CA8: variants seen among roughly 807,000 people sequenced by gnomAD.
The protein encoded by CA8 is carbonic anhydrase 8 (inactive).
In CA8, 22 loss-of-function variants were observed where a neutral mutation model predicts 41.4. The ratio of observed to expected loss-of-function variants is 0.53; its 90% CI spans 0.38 to 0.76. CA8 has a LOEUF of 0.76. Ranked by LOEUF, CA8 falls within the 30% of genes least tolerant of loss-of-function variation. CA8 has a pLI of 0.00. For missense variants in CA8, 270 were observed against 352.8 expected, an observed-to-expected ratio of 0.77 and a Z score of 1.88; for synonymous variants, 121 against 130.6, an observed-to-expected ratio of 0.93 and a Z score of 0.50.
chr8:60,222,820 G>T, intron 6 of CA8, 59 bp from the exon 7 acceptor site: 2 of 1,016,982 alleles, frequency 2.0e-6, no homozygotes, highest in South Asian at 1.3e-5. Context: ...CAATCCTGAT[G>T]ACTCCAACAA....
At chr8:60,232,920 G>A (rs1031220756) in intron 3 of CA8, among the ~76,000 whole-genome samples, 1 of 152,110 alleles carries the variant, frequency 6.6e-6, no homozygotes, top group Non-Finnish European at 1.5e-5. Flanking sequence ...AATAAATGCT[G>A]ATGTAAATCT....
chr8:60,248,509 A>C (rs1808330415), intron 3 of CA8, among the ~76,000 whole-genome samples: 6 of 152,150 alleles, frequency 3.9e-5, no homozygotes, highest in Admixed American at 3.9e-4. Flanking sequence ...TAAACAGGGA[A>C]TCCTTTCCCC....
intron 3 of CA8, among the ~76,000 whole-genome samples, chr8:60,248,953 T>A (rs1808348611): frequency 6.6e-6 from 1 of 152,204 alleles, no homozygotes. Context: ...TGGTTTGTAG[T>A]TCTCCTTGAA....
intron 3 of CA8, among the ~76,000 whole-genome samples, chr8:60,239,536 T>C (rs1209385536): frequency 6.6e-6 from 1 of 152,198 alleles, no homozygotes; most frequent in Non-Finnish European, 1.5e-5. Context: ...TAAGAAAATT[T>C]ACAAATTTGT....
intron 7 of CA8, among the ~76,000 whole-genome samples, chr8:60,213,935 T>C (rs1008218360): frequency 6.6e-6 from 1 of 152,144 alleles, no homozygotes; most frequent in African/African-American, 2.4e-5. Flanking sequence ...TGCAGGTACA[T>C]ATGAAACAGT....
rs138767569 is a variant in CA8 at position 60,223,752 on chromosome 8, C to T, written c.625+785G>A. Among the ~76,000 whole-genome samples, 470 of 152,232 alleles carry T rather than the reference C, an allele frequency of 3.1e-3. 1 individual carries two copies. Among genetic ancestry groups the T allele is most frequent in the African/African-American group, 0.01 (426 of 41,534 alleles). ...ATATGATGGATAAATGGTTAACATA[C>T]GATAGAAATTGGTTTGTTGTAGAGC... On this transcript the variant is annotated intron_variant, in intron 6 of 8. Coordinates refer to ENST00000317995, the MANE Select transcript of CA8 (RefSeq NM_004056.6).
chr8:60,241,535 T>C (rs1187008538), intron 3 of CA8, among the ~76,000 whole-genome samples: 1 of 152,224 alleles, frequency 6.6e-6, no homozygotes, highest in Non-Finnish European at 1.5e-5. Flanking sequence ...AACAGGGCTT[T>C]ATAACACCAT....
chr8:60,253,973 G>A (rs547660657), intron 3 of CA8, among the ~76,000 whole-genome samples: 1 of 152,230 alleles, frequency 6.6e-6, no homozygotes, highest in East Asian at 1.9e-4. Context: ...TGTGAACTGT[G>A]GCCTAGATTA....
chr8:60,202,747 A>G (rs1806469868), intron 8 of CA8, among the ~76,000 whole-genome samples: 1 of 152,036 alleles, frequency 6.6e-6, no homozygotes, highest in African/African-American at 2.4e-5. Context: ...CAAGATCACA[A>G]CGAATGCTTT....
intron 7 of CA8, among the ~76,000 whole-genome samples, chr8:60,209,712 G>A (rs1264730274): frequency 6.6e-6 from 1 of 151,948 alleles, no homozygotes; most frequent in Admixed American, 6.5e-5. Flanking sequence ...CCTCTGGAGA[G>A]CACAGGTCCA....
intron 3 of CA8, among the ~76,000 whole-genome samples, chr8:60,255,182 T>G (rs1808583792): frequency 6.6e-6 from 1 of 152,192 alleles, no homozygotes; most frequent in Non-Finnish European, 1.5e-5. Flanking sequence ...CTGTTTCAAC[T>G]GTTGTGAAAT....
At chr8:60,212,032 A>G (rs1027255201) in intron 7 of CA8, among the ~76,000 whole-genome samples, 5 of 152,234 alleles carry the variant, frequency 3.3e-5, no homozygotes, top group African/African-American at 1.2e-4. Context: ...TAAACATAGT[A>G]TGTGTTATTT....
chr8:60,223,892 A>G (rs1226312319), intron 6 of CA8, among the ~76,000 whole-genome samples: 1 of 152,172 alleles, frequency 6.6e-6, no homozygotes, highest in African/African-American at 2.4e-5. Context: ...ATATACAACA[A>G]CCTTTAAATC....
At chr8:60,239,498 AC>A (rs1227141590) in intron 3 of CA8, among the ~76,000 whole-genome samples, 1 of 152,258 alleles carries the variant, frequency 6.6e-6, no homozygotes, top group Non-Finnish European at 1.5e-5. Context: ...TGAGAAAAAA[AC>A]AATTGCAAGA....
In CA8 at chr8:60,199,110, T is replaced by A. The variant is rs114831413; in HGVS notation, c.*36-9125A>T. ...CTTGGAATGCTTCAAATACAACCAG[T>A]TATATTCATGAAAAAAATGTTTATT... On this transcript the variant is annotated intron_variant, in intron 8 of 8. Coordinates refer to ENST00000317995, the MANE Select transcript of CA8 (RefSeq NM_004056.6). Among the ~76,000 whole-genome samples, 508 of 152,254 alleles carry A rather than the reference T, an allele frequency of 3.3e-3. 5 individuals are homozygous for A. Among genetic ancestry groups the A allele is most frequent in the African/African-American group, 0.011 (478 of 41,566 alleles).
chr8:60,237,201 C>G (rs1807863609), intron 3 of CA8, among the ~76,000 whole-genome samples: 1 of 152,212 alleles, frequency 6.6e-6, no homozygotes, highest in Admixed American at 6.5e-5. Context: ...GTGAACTTCA[C>G]TAGTCACTAA....
chr8:60,212,066 A>G (rs1007328483), intron 7 of CA8, among the ~76,000 whole-genome samples: 1 of 152,206 alleles, frequency 6.6e-6, no homozygotes, highest in Non-Finnish European at 1.5e-5. Context: ...TTAAGAGAAA[A>G]CTGAATGCGG....
intron 8 of CA8, among the ~76,000 whole-genome samples, chr8:60,190,938 C>A (rs1251784338): frequency 1.7e-5 from 2 of 117,366 alleles, no homozygotes; most frequent in East Asian, 2.8e-4. Flanking sequence ...CACACACACA[C>A]TATATATATA....
chr8:60,238,018 G>A (rs1351363786), intron 3 of CA8, among the ~76,000 whole-genome samples: 1 of 152,150 alleles, frequency 6.6e-6, no homozygotes, highest in Non-Finnish European at 1.5e-5. Context: ...GGAAAATCTT[G>A]GACCGAGCTT....
Sources: gnomAD v4.1 joint callset for allele counts (sites outside exome capture counted in the v4.1 genomes callset) on GRCh38, gnomAD v4.1.1 for gene constraint, MANE v1.5 for transcripts, NCBI Gene and HGNC (gene_info 2026-07-23, HGNC 2026-07-21) for gene names.